The following KLHL11 variants were observed in gnomAD, a reference collection of about 807,000 sequenced individuals.
KLHL11 encodes the protein kelch-like protein 11.
In KLHL11, 26 loss-of-function variants were observed where a neutral mutation model predicts 56.1. The observed-to-expected ratio is 0.46, with a 90% confidence interval of 0.34 to 0.64. The LOEUF is 0.64. Ranked by LOEUF, KLHL11 falls within the 30% of genes least tolerant of loss-of-function variation. The probability of loss-of-function intolerance (pLI) is 0.01; values close to 1 mark genes in which losing one functional copy is unlikely to be tolerated. For missense variants in KLHL11, 627 were observed against 919.4 expected, an observed-to-expected ratio of 0.68 and a Z score of 4.11; for synonymous variants, 338 against 345.8, an observed-to-expected ratio of 0.98 and a Z score of 0.25.
rs781941082 is a variant in KLHL11, at chr17:41,855,338, G to A, written c.546-17C>T. On this transcript the variant is annotated splice_polypyrimidine_tract_variant and intron_variant, in intron 1 of 1. Transcript: ENST00000319121. ...AGTAGGAACCTAAAATCAAGAAAAA[G>A]AGAAAAGATTAATTTTTCAAATGTG... The A allele has an allele frequency of 6.7e-7, 1 of 1,501,914 alleles. No individual in the cohort carries two copies. Among genetic ancestry groups the A allele is most frequent in the Non-Finnish European group, 9.0e-7 (1 of 1,113,904 alleles). 93.0% of individuals were successfully genotyped at this position (1,501,914 alleles called of 1,614,324 possible).
At chr17:41,863,230 C>T (rs1335194681) in intron 1 of KLHL11, among the ~76,000 whole-genome samples, 4 of 150,514 alleles carry the variant, frequency 2.7e-5, no homozygotes, top group African/African-American at 4.9e-5. Context: ...TTGTTCTGTC[C>T]GCCAGGCTGG....
chr17:41,855,059 C>T lies in KLHL11; in HGVS notation c.808G>A (p.Val270Ile), dbSNP rs375936663. The change falls in exon 2 of 2, where the codon GTT becomes ATT. Residue 270 changes from valine to isoleucine, a missense_variant. Transcript: ENST00000319121. The part of the protein sequence containing the change: ...VDSEEVLFET[V>I]LKWVQRNAEE... ...GCATTTCTCTGAACCCATTTCAAAA[C>T]GGTTTCAAAGAGAACCTCTTCAGAA... is the stretch of plus-strand genomic sequence containing the variant. The T allele has an allele frequency of 8.7e-6, 14 of 1,613,996 alleles. No homozygotes were observed. Among genetic ancestry groups the T allele is most frequent in the African/African-American group, 2.7e-5 (2 of 74,912 alleles).
rs782579158 is a variant in KLHL11 at position 41,853,959 on chromosome 17, C to T, written c.1908G>A (p.Ala636=). The T allele has an allele frequency of 2.4e-5, 39 of 1,614,014 alleles. No homozygotes were observed. Among genetic ancestry groups the T allele is most frequent in the African/African-American group, 9.3e-5 (7 of 74,906 alleles). ...GAAGAAGCATCCACCTCTTCCTCTC[C>T]GCACAATATCGGTAGGCTTCTTTCC... ...QYRKEAYRYC[A]ERKRWMLLPP... The change falls in exon 2 of 2, where the codon GCG becomes GCA. Residue 636 remains alanine (A), a synonymous_variant. Transcript: ENST00000319121.
Position 41,849,828 on chromosome 17 carries a change from G to A in KLHL11, c.*3912C>T, listed in dbSNP as rs529764522. On this transcript the variant is annotated 3_prime_UTR_variant, in exon 2 of 2. Coordinates refer to ENST00000319121, the MANE Select transcript of KLHL11 (RefSeq NM_018143.3). ...CACTGATTTTTTTAAGCCATGGTGGGGTAGATATAGTTCAAGGATACCCAT... is the reference window on the plus strand; with the variant it reads ...CACTGATTTTTTTAAGCCATGGTGGAGTAGATATAGTTCAAGGATACCCAT... The A allele has an allele frequency of 6.6e-6, 1 of 152,072 alleles. No homozygotes were observed. The highest frequency in any genetic ancestry group is 6.5e-5 in the Admixed American group (1 of 15,276). The allele number at this position is 152,072 out of a possible 1,614,324, so 9.4% of individuals were successfully genotyped here.
At chr17:41,863,725 A>C (rs1353339675) in intron 1 of KLHL11, among the ~76,000 whole-genome samples, 1 of 152,072 alleles carries the variant, frequency 6.6e-6, no homozygotes, top group Non-Finnish European at 1.5e-5. Flanking sequence ...TCTAACATAC[A>C]AGCTCCACCT....
In KLHL11 at chr17:41,852,794, A is replaced by AG. The variant is rs2048339777; in HGVS notation, c.*945_*946insC. ...CAACATGAGCAAAAAAAAAAAAAAAAAGAGAAAAGGAATAATGAAGATTCT... is the reference window on the plus strand; with the variant it reads ...CAACATGAGCAAAAAAAAAAAAAAAAGAGAGAAAAGGAATAATGAAGATTCT... On this transcript the variant is annotated 3_prime_UTR_variant, in exon 2 of 2. Coordinates refer to ENST00000319121, the MANE Select transcript of KLHL11 (RefSeq NM_018143.3). 2.0e-5 allele frequency among the ~76,000 whole-genome samples: 3 copies of AG among 152,008 alleles called. No individual in the cohort carries two copies. Among genetic ancestry groups the AG allele is most frequent in the African/African-American group, 7.2e-5 (3 of 41,426 alleles).
In KLHL11 at chr17:41,850,351, G is replaced by C. The variant is rs1555621927; in HGVS notation, c.*3389C>G. 6.6e-6 allele frequency: 1 copy of C among 152,056 alleles called. No homozygotes were observed. Among genetic ancestry groups the C allele is most frequent in the African/African-American group, 2.4e-5 (1 of 41,394 alleles). 9.4% of individuals were successfully genotyped at this position (152,056 alleles called of 1,614,324 possible). A position where few individuals can be genotyped will look rare whatever the true frequency, so the allele number is the denominator to read the frequency against. ...TTTTCAGCCATGGCCTAGGCTGCCTGCTAAGTTAAAAAACAACAGTTTCAA... is the reference window on the plus strand; with the variant it reads ...TTTTCAGCCATGGCCTAGGCTGCCTCCTAAGTTAAAAAACAACAGTTTCAA... On this transcript the variant is annotated 3_prime_UTR_variant, in exon 2 of 2. Coordinates refer to ENST00000319121, the MANE Select transcript of KLHL11 (RefSeq NM_018143.3).
chr17:41,863,998 A>C (rs959343351), intron 1 of KLHL11, among the ~76,000 whole-genome samples: 1 of 152,234 alleles, frequency 6.6e-6, no homozygotes, highest in African/African-American at 2.4e-5. Context: ...TAAGTGCGAT[A>C]AGGAAAAGGA....
chr17:41,858,059 C>T (rs1049700524), intron 1 of KLHL11, among the ~76,000 whole-genome samples: 5 of 152,014 alleles, frequency 3.3e-5, no homozygotes, highest in Non-Finnish European at 7.4e-5. Flanking sequence ...CTCAGGTGAC[C>T]CACTTGCCTC....
rs2048327965 is a variant in KLHL11, at chr17:41,850,774, C to G, written c.*2966G>C. On this transcript the variant is annotated 3_prime_UTR_variant, in exon 2 of 2. Coordinates refer to ENST00000319121, the MANE Select transcript of KLHL11 (RefSeq NM_018143.3). ...AGAAAAAGGTAGTGGTGGGATGGGA[C>G]AATATAATAATATATCCTTATATGT... The G allele has an allele frequency of 6.6e-6, 1 of 152,070 alleles. No homozygotes were observed. Among genetic ancestry groups the G allele is most frequent in the South Asian group, 2.1e-4 (1 of 4,820 alleles). 9.4% of individuals were successfully genotyped at this position (152,070 alleles called of 1,614,324 possible).
chr17:41,864,724 G>T, intron 1 of KLHL11, 102 bp downstream of exon 1: 1 of 1,204,146 alleles, frequency 8.3e-7, no homozygotes, highest in Non-Finnish European at 1.1e-6. Context: ...ATTCACTCAG[G>T]ACTCGCGAGC....
rs782281681 is a variant in KLHL11, at chr17:41,864,806, C to T, written c.545+20G>A. The stretch of plus-strand genomic sequence containing the variant: ...CTCTCCGCGCCCGCCGCCCTCCGCG[C>T]TCCCGCCTCCCTCGCCTACCTGTCG... On this transcript the variant is annotated intron_variant, in intron 1 of 1. Transcript: ENST00000319121. 5 of 1,488,692 alleles carry T rather than the reference C, an allele frequency of 3.4e-6. No homozygotes were observed. Among genetic ancestry groups the T allele is most frequent in the Admixed American group, 2.3e-5 (1 of 43,590 alleles). 92.2% of individuals were successfully genotyped at this position (1,488,692 alleles called of 1,614,324 possible). A position where few individuals can be genotyped will look rare whatever the true frequency, so the allele number is the denominator to read the frequency against.
Position 41,865,268 on chromosome 17 carries a change from C to A in KLHL11, c.103G>T (p.Gly35Ter). ...SMETAAAGSAGLAAEVRGSGT... is the reference protein window; with the variant it reads ...SMETAAAGSA Reference sequence around the variant, plus strand: ...CTGCCTCGGACCTCGGCGGCCAGTCCTGCCGAGCCGGCGGCGGCCGTCTCC... The same window carrying A: ...CTGCCTCGGACCTCGGCGGCCAGTCATGCCGAGCCGGCGGCGGCCGTCTCC... Residue 35 changes from glycine to a stop codon, truncating the protein, a stop_gained, in exon 1 of 2, where the codon GGA becomes TGA. Coordinates refer to ENST00000319121, the MANE Select transcript of KLHL11 (RefSeq NM_018143.3). LOFTEE classifies it high-confidence loss of function. The A allele has an allele frequency of 6.3e-7, 1 of 1,576,776 alleles. No individual in the cohort carries two copies.
At chr17:41,863,612 G>A (rs2048418690) in intron 1 of KLHL11, among the ~76,000 whole-genome samples, 1 of 152,104 alleles carries the variant, frequency 6.6e-6, no homozygotes, top group Non-Finnish European at 1.5e-5. Context: ...AGGCCATCAA[G>A]GCCCTACGGG....
At chr17:41,857,006 C>T (rs926557411) in intron 1 of KLHL11, among the ~76,000 whole-genome samples, 9 of 151,782 alleles carry the variant, frequency 5.9e-5, no homozygotes, top group South Asian at 4.2e-4. Flanking sequence ...GGTGACAGAG[C>T]GAGATTCTGT....
chr17:41,850,795 T>G lies in KLHL11; in HGVS notation c.*2945A>C, dbSNP rs966271423. 6.6e-6 allele frequency: 1 copy of G among 152,204 alleles called. No individual in the cohort carries two copies. The highest frequency in any genetic ancestry group is 1.9e-4 in the East Asian group (1 of 5,202). 9.4% of individuals were successfully genotyped at this position (152,204 alleles called of 1,614,324 possible). A position where few individuals can be genotyped will look rare whatever the true frequency, so the allele number is the denominator to read the frequency against. ...GGGACAATATAATAATATATCCTTA[T>G]ATGTAGAAATAGACTTGCAGTTTCT... On this transcript the variant is annotated 3_prime_UTR_variant, in exon 2 of 2. Coordinates refer to ENST00000319121, the MANE Select transcript of KLHL11 (RefSeq NM_018143.3).
chr17:41,861,787 G>GT (rs534563915), intron 1 of KLHL11, among the ~76,000 whole-genome samples: 118 of 151,402 alleles, frequency 7.8e-4, no homozygotes, highest in African/African-American at 2.7e-3. Flanking sequence ...TCCCTTCTTG[G>GT]TTGCAAGGAC....
At position 41,853,510 on chromosome 17, in the gene KLHL11, T is replaced by G; in HGVS notation, c.*230A>C. The G allele has an allele frequency of 2.2e-6, 1 of 447,650 alleles. No homozygotes were observed. 27.7% of individuals were successfully genotyped at this position (447,650 alleles called of 1,614,324 possible). On this transcript the variant is annotated 3_prime_UTR_variant, in exon 2 of 2. Transcript: ENST00000319121. ...CCACTTGTCCTTAATAAGATCTTAT[T>G]TAGCTAGCACAAACAAACAAACCAA...
At position 41,854,002 on chromosome 17, in the gene KLHL11, T is replaced by C; in HGVS notation, c.1865A>G (p.Asp622Gly). The C allele has an allele frequency of 6.2e-7, 1 of 1,614,230 alleles. No homozygotes were observed. Among genetic ancestry groups the C allele is most frequent in the Non-Finnish European group, 8.5e-7 (1 of 1,180,030 alleles). The change falls in exon 2 of 2, where the codon GAT (aspartate) becomes GGT (glycine). Residue 622 changes from aspartate to glycine, a missense_variant. Transcript: ENST00000319121. The surrounding 1 kb of genome is among the most constrained non-coding windows in gnomAD (Gnocchi z 4.9). ...TTCTTTCCGATACTGTTTATCAATA[T>C]CATCACTGTTTTTCCAGCCTCCTAT... ...FIIGGWKNSD[D>G]IDKQYRKEAY...
Sources: gnomAD v4.1 joint callset for allele counts (sites outside exome capture counted in the v4.1 genomes callset) on GRCh38, gnomAD v4.1.1 for gene constraint, Gnocchi (gnomAD v3.1) non-coding constraint, MANE v1.5 for transcripts, NCBI Gene and HGNC (gene_info 2026-07-23, HGNC 2026-07-21) for gene names.